The following GLB1 variants were observed in gnomAD, a reference collection of about 807,000 sequenced individuals.
The protein encoded by GLB1 is galactosidase beta 1.
Under a neutral mutation model 74.0 loss-of-function variants are expected in GLB1, and 56 were observed. The observed-to-expected ratio is 0.76, with a 90% CI of 0.61 to 0.94. The LOEUF (loss-of-function observed/expected upper bound fraction) is 0.94. GLB1 is among the 40% of genes least tolerant of loss of function. GLB1 has a pLI of 0.00. For missense variants in GLB1, 787 were observed against 845.5 expected, an observed-to-expected ratio of 0.93 and a Z score of 0.86; for synonymous variants, 323 against 323.6, an observed-to-expected ratio of 1.00 and a Z score of 0.02.
At chr3:33,077,420 C>T in intron 1 of GLB1, 3 of 935,232 alleles carry the variant, frequency 3.2e-6, no homozygotes, top group Non-Finnish European at 5.0e-6. Context: ...AAGAGACACA[C>T]CTGCTCAGTT....
intron 10 of GLB1, among the ~76,000 whole-genome samples, chr3:33,045,043 A>C (rs986364198): frequency 1.3e-5 from 2 of 152,164 alleles, no homozygotes; most frequent in Non-Finnish European, 2.9e-5. Context: ...TCCTATGTAC[A>C]TCAGCTATTT....
intron 10 of GLB1, among the ~76,000 whole-genome samples, chr3:33,037,653 AAACTAATAGAATGGCAG>A (rs1698333508): frequency 6.6e-6 from 1 of 152,112 alleles, no homozygotes; most frequent in Admixed American, 6.5e-5. Flanking sequence ...CACCACATAA[AAACTAATAGAATGGCAG>A]AATAATACTT....
intron 13 of GLB1, among the ~76,000 whole-genome samples, chr3:33,017,218 G>A (rs1271218654): frequency 3.3e-5 from 5 of 152,168 alleles, no homozygotes; most frequent in African/African-American, 4.8e-5. Flanking sequence ...GAACAACATG[G>A]AGAGATAAGA....
chr3:33,029,893 CCT>C (rs963426767), intron 10 of GLB1: 2 of 151,336 alleles, frequency 1.3e-5, no homozygotes, highest in African/African-American at 4.9e-5. Context: ...ATACCAAACC[CCT>C]GTGACACACA....
At chr3:33,079,184 A>T (rs1315871132) in intron 1 of GLB1, among the ~76,000 whole-genome samples, 1 of 152,206 alleles carries the variant, frequency 6.6e-6, no homozygotes, top group Non-Finnish European at 1.5e-5. Context: ...GGGAGAGTAG[A>T]GGTAGGTATT....
At chr3:33,096,790 A>G (rs1701049850) in intron 1 of GLB1, 1 of 1,342,722 alleles carries the variant, frequency 7.4e-7, no homozygotes, top group Admixed American at 4.1e-5. Flanking sequence ...GGAACGCACA[A>G]GCGACCGAGC....
At chr3:33,011,779 C>T (rs1005923439) in intron 15 of GLB1, among the ~76,000 whole-genome samples, 1 of 152,156 alleles carries the variant, frequency 6.6e-6, no homozygotes, top group Admixed American at 6.5e-5. Context: ...TTCTCCTCCT[C>T]CAGCTATTAA....
intron 15 of GLB1, among the ~76,000 whole-genome samples, chr3:32,997,550 C>T (rs1696365874): frequency 6.6e-6 from 1 of 152,130 alleles, no homozygotes; most frequent in Admixed American, 6.5e-5. Flanking sequence ...TGGATGCCCC[C>T]ATCCACCTTC....
the GLB1 span, among the ~76,000 whole-genome samples, chr3:32,980,809 G>A: frequency 6.6e-6 from 1 of 151,100 alleles, no homozygotes; most frequent in Non-Finnish European, 1.5e-5. Context: ...AAACCATCAG[G>A]GCTAGGCGCA....
chr3:33,045,533 C>T (rs959595445), intron 10 of GLB1: 53 of 988,370 alleles, frequency 5.4e-5, no homozygotes, highest in Non-Finnish European at 6.1e-5. Flanking sequence ...CAAATAAGGA[C>T]GGAGTTATTT....
At chr3:33,025,573 C>G (rs899636669) in intron 10 of GLB1, among the ~76,000 whole-genome samples, 5 of 151,460 alleles carry the variant, frequency 3.3e-5, no homozygotes, top group African/African-American at 4.9e-5. Flanking sequence ...CTTTGTAGCC[C>G]GGAGCAGCTG....
Position 33,068,816 on chromosome 3 carries a change from T to C in GLB1, c.396+4A>G, listed in dbSNP as rs759883286. On this transcript the variant is annotated splice_donor_region_variant and intron_variant, in intron 3 of 15. Transcript: ENST00000307363. ...CAGGTAGAGCCCAGTCTAGCCACAC[T>C]CACCATTTCCCACTCTGCACAGATG... is the stretch of plus-strand genomic sequence containing the variant. 2 of 1,613,740 alleles carry C rather than the reference T, an allele frequency of 1.2e-6. No individual in the cohort carries two copies. Among genetic ancestry groups the C allele is most frequent in the Non-Finnish European group, 1.7e-6 (2 of 1,180,000 alleles).
chr3:32,971,708 A>G, the GLB1 span, among the ~76,000 whole-genome samples: 2 of 152,244 alleles, frequency 1.3e-5, no homozygotes, highest in Admixed American at 1.3e-4. Flanking sequence ...CAGTATTATG[A>G]TGAGACTAAA....
chr3:33,085,700 A>C (rs1336173013), intron 1 of GLB1, among the ~76,000 whole-genome samples: 8 of 152,124 alleles, frequency 5.3e-5, no homozygotes, highest in South Asian at 2.1e-4. Flanking sequence ...GATTAAAAAA[A>C]AAAACAAAAC....
At chr3:33,089,222 T>G (rs534702616) in intron 1 of GLB1, among the ~76,000 whole-genome samples, 1 of 152,312 alleles carries the variant, frequency 6.6e-6, no homozygotes, top group Admixed American at 6.5e-5. Flanking sequence ...ATATTGAACT[T>G]GGCAATGATT....
At chr3:33,007,649 A>T (rs1045541169) in intron 15 of GLB1, among the ~76,000 whole-genome samples, 1 of 152,188 alleles carries the variant, frequency 6.6e-6, no homozygotes, top group African/African-American at 2.4e-5. Context: ...CCTTTTGGCA[A>T]TTATGGATAA....
At chr3:33,046,079 T>TG (rs1284993188) in intron 10 of GLB1, 41 bp downstream of exon 10, 17 of 1,605,148 alleles carry the variant, frequency 1.1e-5, no homozygotes, top group Non-Finnish European at 1.4e-5. Context: ...AAAGAGGCTC[T>TG]GTCCAAGATC....
At chr3:33,056,914 A>G (rs904624921) in intron 6 of GLB1, among the ~76,000 whole-genome samples, 5 of 152,216 alleles carry the variant, frequency 3.3e-5, no homozygotes, top group African/African-American at 1.2e-4. Flanking sequence ...CAATTTCTCA[A>G]TAATGTCTTT....
chr3:32,980,633 T>C, the GLB1 span, among the ~76,000 whole-genome samples: 1 of 151,696 alleles, frequency 6.6e-6, no homozygotes, highest in African/African-American at 2.4e-5. Context: ...ATACAAAAAT[T>C]AGCCAGGCAT....
Sources: gnomAD v4.1 joint callset for allele counts (sites outside exome capture counted in the v4.1 genomes callset) on GRCh38, gnomAD v4.1.1 for gene constraint, MANE v1.5 for transcripts, NCBI Gene and HGNC (gene_info 2026-07-23, HGNC 2026-07-21) for gene names.